DAB1: variants seen among roughly 807,000 people sequenced by gnomAD.
The protein encoded by DAB1 is disabled homolog 1.
Under a neutral mutation model 64.6 loss-of-function variants are expected in DAB1, and 15 were observed. The observed-to-expected ratio is 0.23, with a 90% confidence interval of 0.16 to 0.36. The LOEUF (loss-of-function observed/expected upper bound fraction) is 0.36. Ranked by LOEUF, DAB1 falls within the 10% of genes least tolerant of loss-of-function variation. DAB1 has a pLI of 1.00. For missense variants in DAB1, 596 were observed against 706.7 expected (o/e 0.84, Z 1.78); for synonymous variants, 235 against 251.9 (o/e 0.93, Z 0.64).
chr1:57,553,915 G>C (rs1166556311), intron 7 of DAB1, among the ~76,000 whole-genome samples: 2 of 152,036 alleles, frequency 1.3e-5, no homozygotes, highest in African/African-American at 4.8e-5. Flanking sequence ...AACGGGAGGG[G>C]GCAATGTTAG....
rs142147288 is a variant in DAB1, at chr1:58,171,503, G to T, written n.310-20915C>A. 2.0e-3 allele frequency among the ~76,000 whole-genome samples: 300 copies of T among 152,302 alleles called. 4 individuals carry two copies. Among genetic ancestry groups the T allele is most frequent in the Middle Eastern group, 0.017 (5 of 294 alleles). ...GGCAGTAATTCCTCCATATCCAGTT[G>T]TACTCAACCCCTATACCCTGCTCTC... On this transcript the variant is annotated intron_variant and non_coding_transcript_variant, in intron 4 of 20. Transcript: ENST00000485760.
intron 4 of DAB1, among the ~76,000 whole-genome samples, chr1:58,215,241 T>C (rs1255802963): frequency 6.6e-6 from 1 of 152,090 alleles, no homozygotes; most frequent in East Asian, 1.9e-4. Context: ...TGCCATTCCA[T>C]TTACCTAAAA....
intron 4 of DAB1, among the ~76,000 whole-genome samples, chr1:58,261,278 C>T (rs1661042598): frequency 6.6e-6 from 1 of 152,036 alleles, no homozygotes; most frequent in Admixed American, 6.5e-5. Flanking sequence ...AAGAGAGAAA[C>T]CAAAGTGTCA....
At chr1:58,434,693 G>A (rs1644922596) in intron 3 of DAB1, among the ~76,000 whole-genome samples, 1 of 152,152 alleles carries the variant, frequency 6.6e-6, no homozygotes, top group Admixed American at 6.5e-5. Flanking sequence ...GTTATAGGTG[G>A]AGAAAAGAAC....
chr1:57,898,194 T>C (rs1334810341), intron 5 of DAB1, among the ~76,000 whole-genome samples: 3 of 152,154 alleles, frequency 2.0e-5, no homozygotes, highest in East Asian at 3.9e-4. Flanking sequence ...GAAGTAGATA[T>C]CACTATCCCA....
At chr1:57,184,511 T>C (rs192509866) in intron 2 of DAB1, among the ~76,000 whole-genome samples, 204 of 152,244 alleles carry the variant, frequency 1.3e-3, no homozygotes, top group African/African-American at 4.8e-3. Context: ...CACAAATCCT[T>C]AACCTGGCAA....
At chr1:57,777,514 G>A (rs141030789) in intron 6 of DAB1, among the ~76,000 whole-genome samples, 1 of 151,856 alleles carries the variant, frequency 6.6e-6, no homozygotes, top group Admixed American at 6.6e-5. Context: ...TTTTATTGCA[G>A]TCTTCAAATT....
Position 58,497,098 on chromosome 1 carries a change from T to C in DAB1, n.257+8962A>G, listed in dbSNP as rs75329925. On this transcript the variant is annotated intron_variant and non_coding_transcript_variant, in intron 3 of 20. Coordinates refer to the DAB1 transcript ENST00000485760. ...CACCTATAAAATATCCTTCCCAAAA[T>C]TTAATCTCTATTTACAGGTATATAT... Among the ~76,000 whole-genome samples the C allele has an allele frequency of 5.4e-3, 823 of 152,294 alleles. 6 individuals carry two copies. The highest frequency in any genetic ancestry group is 0.019 in the African/African-American group (789 of 41,556).
chr1:57,428,864 C>T (rs1357727518), upstream of DAB1, among the ~76,000 whole-genome samples: 1 of 144,046 alleles, frequency 6.9e-6, no homozygotes, highest in Non-Finnish European at 1.5e-5. Flanking sequence ...AAAAAAACAG[C>T]AACCAAAAAA....
intron 4 of DAB1, among the ~76,000 whole-genome samples, chr1:57,075,323 G>A (rs942734623): frequency 6.6e-6 from 1 of 152,186 alleles, no homozygotes; most frequent in South Asian, 2.1e-4. Context: ...TTTAATGCCT[G>A]ATGATACCTA....
chr1:57,600,254 T>C lies in DAB1; in HGVS notation n.625+49338A>G, dbSNP rs1412473497. On this transcript the variant is annotated intron_variant and non_coding_transcript_variant, in intron 7 of 20. Transcript: ENST00000485760. The stretch of plus-strand genomic sequence containing the variant: ...TGTTCACCATCATCTCGCTCACACA[T>C]TCCAAGGCTTGGTACAGAGTAGGAA... 2.6e-5 allele frequency among the ~76,000 whole-genome samples: 4 copies of C among 152,260 alleles called. No individual in the cohort carries two copies. In the East Asian group the frequency reaches 7.7e-4, roughly 29 times the overall value.
chr1:57,877,725 T>C, intron 1 of DAB1, among the ~76,000 whole-genome samples: 1 of 78,952 alleles, frequency 1.3e-5, no homozygotes, highest in Non-Finnish European at 2.5e-5. Flanking sequence ...CGCGCCCGGC[T>C]AATTTTTTTT....
intron 7 of DAB1, among the ~76,000 whole-genome samples, chr1:57,600,166 G>A (rs565758012): frequency 4.6e-5 from 7 of 152,176 alleles, no homozygotes; most frequent in African/African-American, 1.7e-4. Flanking sequence ...CTACTCTTTT[G>A]CCATGTCTGC....
intron 1 of DAB1, among the ~76,000 whole-genome samples, chr1:57,358,471 G>T (rs1252672694): frequency 6.6e-6 from 1 of 151,800 alleles, no homozygotes; most frequent in Admixed American, 6.6e-5. Context: ...GTGATGAAAA[G>T]AATAAAGAAT....
At chr1:57,066,546 T>C (rs1650932599) in intron 8 of DAB1, among the ~76,000 whole-genome samples, 1 of 152,232 alleles carries the variant, frequency 6.6e-6, no homozygotes, top group African/African-American at 2.4e-5. Context: ...CAAAAGCCTC[T>C]GTATCCCTTT....
intron 1 of DAB1, among the ~76,000 whole-genome samples, chr1:57,298,046 C>A (rs1334973937): frequency 6.6e-6 from 1 of 152,190 alleles, no homozygotes; most frequent in Non-Finnish European, 1.5e-5. Context: ...CCTTTAATTA[C>A]TCAGCCTAAG....
In DAB1 at chr1:57,606,514, T is replaced by TA. The variant is rs1558535157; in HGVS notation, n.625+43077dup. ...ATGAAATATATAATATATAATATAA[T>TA]ATATATAATATATAATATATATGAA... is the stretch of plus-strand genomic sequence containing the variant. On this transcript the variant is annotated intron_variant and non_coding_transcript_variant, in intron 7 of 20. Transcript: ENST00000485760. 7.9e-3 allele frequency among the ~76,000 whole-genome samples: 564 copies of TA among 71,820 alleles called. 54 individuals carry two copies. Among genetic ancestry groups the TA allele is most frequent in the African/African-American group, 0.036 (508 of 14,180 alleles). 47.1% of individuals were successfully genotyped at this position (71,820 alleles called of 152,430 possible).
At chr1:57,564,837 T>G (rs1417164467) in intron 7 of DAB1, among the ~76,000 whole-genome samples, 4 of 152,166 alleles carry the variant, frequency 2.6e-5, no homozygotes, top group African/African-American at 9.7e-5. Flanking sequence ...GGAACCAAGT[T>G]GGAAAACACT....
intron 5 of DAB1, among the ~76,000 whole-genome samples, chr1:58,073,292 T>C (rs76325071): frequency 0.028 from 4,314 of 152,236 alleles, 186 homozygotes; most frequent in African/African-American, 0.098. Flanking sequence ...CTTTCCACCT[T>C]CCCAACTGAT....
Sources: gnomAD v4.1 joint callset for allele counts (sites outside exome capture counted in the v4.1 genomes callset) on GRCh38, gnomAD v4.1.1 for gene constraint, MANE v1.5 for transcripts, NCBI Gene and HGNC (gene_info 2026-07-23, HGNC 2026-07-21) for gene names.